Variants in ITPR3 observed in about 807,000 individuals in gnomAD.
ITPR3 encodes the protein inositol 1,4,5-trisphosphate-gated calcium channel ITPR3.
A neutral mutation model predicts 293.2 loss-of-function variants in ITPR3; 173 were observed. That is an observed-to-expected ratio of 0.59 (90% CI 0.52 to 0.67). The LOEUF (loss-of-function observed/expected upper bound fraction) is 0.67. Ranked by LOEUF, ITPR3 falls within the 30% of genes least tolerant of loss-of-function variation. ITPR3 has a pLI of 0.00. For missense variants in ITPR3, 2,796 were observed against 3,592.1 expected (o/e 0.78, Z 5.66); for synonymous variants, 1,295 against 1,444.4 (o/e 0.90, Z 2.35).
In ITPR3 at chr6:33,675,782, C is replaced by G; in HGVS notation, c.3208C>G (p.Leu1070Val). Reference protein sequence around the residue: ...IHLTMHDYAPLVSGALQLLFK... With the variant: ...IHLTMHDYAPVVSGALQLLFK... ...CCTCACCATGCACGACTATGCGCCG[C>G]TGGTCTCGGGTGCCCTGCAGCTGCT... Residue 1070 changes from leucine to valine, a missense_variant, in exon 25 of 58, where the codon CTG becomes GTG. Physicochemically the swap from Leu to Val is conservative, Grantham distance 32. Around this residue, in one of 8 missense-constraint regions of ITPR3, gnomAD observed 955 missense variants for 1,180.8 expected, o/e 0.81. Coordinates refer to ENST00000605930, the MANE Select transcript of ITPR3 (RefSeq NM_002224.4). The surrounding 1 kb of genome is among the most constrained non-coding windows in gnomAD (Gnocchi z 5.0). 6.2e-7 allele frequency: 1 copy of G among 1,611,036 alleles called. No individual in the cohort carries two copies. The highest frequency in any genetic ancestry group is 8.5e-7 in the Non-Finnish European group (1 of 1,178,952).
At position 33,658,659 on chromosome 6, in the gene ITPR3, C is replaced by G; in HGVS notation, c.370-11C>G. On this transcript the variant is annotated splice_polypyrimidine_tract_variant and intron_variant, in intron 4 of 57. Coordinates refer to ENST00000605930, the MANE Select transcript of ITPR3 (RefSeq NM_002224.4). The surrounding 1 kb of genome is among the most constrained non-coding windows in gnomAD (Gnocchi z 6.1). ...GCGCGGTGACCTTCCCGCACCCCAC[C>G]TGACCCCCAGCTCCTGCACATGAAG... 1 of 1,613,554 alleles carries G rather than the reference C, an allele frequency of 6.2e-7. No homozygotes were observed. Among genetic ancestry groups the G allele is most frequent in the Non-Finnish European group, 8.5e-7 (1 of 1,179,622 alleles).
Position 33,684,260 on chromosome 6 carries a change from A to T in ITPR3, c.4937+92A>T. On this transcript the variant is annotated intron_variant, in intron 36 of 57. Transcript: ENST00000605930. The surrounding 1 kb of genome is among the most constrained non-coding windows in gnomAD (Gnocchi z 4.2). ...GGGGACTAGACAGGCTCACTGGGTC[A>T]GAGGGCCTGGGGGTGTTCCTGCCTG... is the stretch of plus-strand genomic sequence containing the variant. The T allele has an allele frequency of 6.3e-7, 1 of 1,595,640 alleles. No homozygotes were observed. Among genetic ancestry groups the T allele is most frequent in the Non-Finnish European group, 8.6e-7 (1 of 1,167,078 alleles).
chr6:33,675,677 C>A lies in ITPR3; in HGVS notation c.3117-14C>A, dbSNP rs556717513. 1 of 1,586,670 alleles carries A rather than the reference C, an allele frequency of 6.3e-7. No individual in the cohort carries two copies. Among genetic ancestry groups the A allele is most frequent in the Non-Finnish European group, 8.6e-7 (1 of 1,164,754 alleles). On this transcript the variant is annotated splice_polypyrimidine_tract_variant and intron_variant, in intron 24 of 57. Transcript: ENST00000605930. The surrounding 1 kb of genome is among the most constrained non-coding windows in gnomAD (Gnocchi z 5.0). Reference sequence around the variant, plus strand: ...CCAGTCTCACCCATGCGCCCTGCACCCTTGTGCCCGCAGGAAGACAAGCAG... The same window carrying A: ...CCAGTCTCACCCATGCGCCCTGCACACTTGTGCCCGCAGGAAGACAAGCAG...
chr6:33,680,615 G>T lies in ITPR3; in HGVS notation c.4411G>T (p.Val1471Phe). The T allele has an allele frequency of 2.5e-6, 4 of 1,614,112 alleles. No individual in the cohort carries two copies. Among genetic ancestry groups the T allele is most frequent in the Middle Eastern group, 1.6e-4 (1 of 6,062 alleles). Residue 1471 changes from valine (V) to phenylalanine (F), a missense_variant, in exon 33 of 58, where the codon GTT becomes TTT. Transcript: ENST00000605930. Reference sequence around the variant, plus strand: ...CACCTTGGAGAAGTACGTGCTGAGCGTTGTGCTGGACACCATCAACGCCTT... The same window carrying T: ...CACCTTGGAGAAGTACGTGCTGAGCTTTGTGCTGGACACCATCAACGCCTT... ...DPTLEKYVLS[V>F]VLDTINAFFS...
chr6:33,687,378 C>A lies in ITPR3; in HGVS notation c.6177+51C>A. 6.7e-7 allele frequency: 1 copy of A among 1,496,892 alleles called. No individual in the cohort carries two copies. Among genetic ancestry groups the A allele is most frequent in the Non-Finnish European group, 9.2e-7 (1 of 1,089,050 alleles). The allele number at this position is 1,496,892 out of a possible 1,614,324, so 92.7% of individuals were successfully genotyped here. A position where few individuals can be genotyped will look rare whatever the true frequency, so the allele number is the denominator to read the frequency against. On this transcript the variant is annotated intron_variant, in intron 45 of 57. Coordinates refer to ENST00000605930, the MANE Select transcript of ITPR3 (RefSeq NM_002224.4). The surrounding 1 kb of genome is among the most constrained non-coding windows in gnomAD (Gnocchi z 5.3). ...CCATCACCCCCCTGGCCACCATACC[C>A]CGCCCCAGCTGCCATCATCCCCCAG... is the stretch of plus-strand genomic sequence containing the variant.
Position 33,684,290 on chromosome 6 carries a change from G to A in ITPR3, c.4938-67G>A. 6.3e-7 allele frequency: 1 copy of A among 1,592,714 alleles called. No homozygotes were observed. Among genetic ancestry groups the A allele is most frequent in the Non-Finnish European group, 8.6e-7 (1 of 1,162,228 alleles). Reference sequence around the variant, plus strand: ...GCCTGGGGGTGTTCCTGCCTGGGATGGGGTGGGGAAGTAGCTGGAGGGAGG... The same window carrying A: ...GCCTGGGGGTGTTCCTGCCTGGGATAGGGTGGGGAAGTAGCTGGAGGGAGG... On this transcript the variant is annotated intron_variant, in intron 36 of 57. Coordinates refer to ENST00000605930, the MANE Select transcript of ITPR3 (RefSeq NM_002224.4). This position sits in a 1 kb window ranked among gnomAD's most constrained non-coding sequence, Gnocchi z 4.2.
chr6:33,692,862 G>A lies in ITPR3; in HGVS notation c.7593G>A (p.Glu2531=). The A allele has an allele frequency of 1.2e-6, 2 of 1,614,154 alleles. No homozygotes were observed. Among genetic ancestry groups the A allele is most frequent in the Non-Finnish European group, 1.7e-6 (2 of 1,180,014 alleles). Residue 2531 remains glutamate (E), a synonymous_variant, in exon 55 of 58, where the codon GAG becomes GAA. Transcript: ENST00000605930. This position sits in a 1 kb window ranked among gnomAD's most constrained non-coding sequence, Gnocchi z 4.2. ...ADLRSEKQKK[E]EILKTTCFIC... ...TGCGTAGTGAGAAGCAGAAGAAGGA[G>A]GAGATTCTTAAGACGACATGCTTCA...
Position 33,672,146 on chromosome 6 carries a change from A to C in ITPR3, c.2846A>C (p.Glu949Ala). Reference protein sequence around the residue: ...PSLSAGASAAEPLDRSKFEEN... With the variant: ...PSLSAGASAAAPLDRSKFEEN... ...CTGTCTGCTGGGGCCAGTGCTGCTG[A>C]GCCGCTGGACAGAAGCAAGTTTGAG... Residue 949 changes from glutamate (E) to alanine (A), a missense_variant, in exon 22 of 58, where the codon GAG (glutamate) becomes GCG (alanine). Physicochemically the swap from Glu to Ala is moderately radical, Grantham distance 107. Transcript: ENST00000605930. This position sits in a 1 kb window ranked among gnomAD's most constrained non-coding sequence, Gnocchi z 5.0. The C allele has an allele frequency of 6.2e-7, 1 of 1,614,046 alleles. No homozygotes were observed. Among genetic ancestry groups the C allele is most frequent in the Non-Finnish European group, 8.5e-7 (1 of 1,180,004 alleles).
chr6:33,661,838 T>TA (rs1764475875), intron 7 of ITPR3, among the ~76,000 whole-genome samples: 1 of 134,940 alleles, frequency 7.4e-6, no homozygotes, highest in Non-Finnish European at 1.7e-5. Context: ...CTACTAAAAA[T>TA]AAAATAAATT....
chr6:33,665,159 T>G lies in ITPR3; in HGVS notation c.1355T>G (p.Leu452Arg). ...LDFANDASSM[L>R]ASAVEKLNEG... ...TTTGCCAATGACGCCAGCTCCATGC[T>G]GGCCAGTGCCGTGGAGAAACTCAAC... is the stretch of plus-strand genomic sequence containing the variant. The change falls in exon 13 of 58, where the codon CTG becomes CGG. Residue 452 changes from leucine to arginine, a missense_variant. Physicochemically the swap from Leu to Arg is moderately radical, Grantham distance 102. Coordinates refer to ENST00000605930, the MANE Select transcript of ITPR3 (RefSeq NM_002224.4). 1 of 1,614,188 alleles carries G rather than the reference T, an allele frequency of 6.2e-7. No individual in the cohort carries two copies.
chr6:33,679,743 C>A lies in ITPR3; in HGVS notation c.3973-139C>A. On this transcript the variant is annotated intron_variant, in intron 30 of 57. Transcript: ENST00000605930. This position sits in a 1 kb window ranked among gnomAD's most constrained non-coding sequence, Gnocchi z 4.2. ...GACATCAGCTGGGGAACCCCCAAAT[C>A]CCAGCCAGGGGAGGGTTTTCCTGAT... 5.2e-6 allele frequency: 6 copies of A among 1,153,004 alleles called. No individual in the cohort carries two copies. Among genetic ancestry groups the A allele is most frequent in the Non-Finnish European group, 7.1e-6 (6 of 839,774 alleles). The allele number at this position is 1,153,004 out of a possible 1,614,324, so 71.4% of individuals were successfully genotyped here.
chr6:33,673,736 G>A lies in ITPR3; in HGVS notation c.3058+16G>A, dbSNP rs182675533. The A allele has an allele frequency of 7.1e-4, 1,140 of 1,613,744 alleles. No individual in the cohort carries two copies. The highest frequency in any genetic ancestry group is 9.3e-4 in the Non-Finnish European group (1,102 of 1,179,820). ...GACTCTACCAGTAAGCCCCTGCCCT[G>A]CCTTCAGGCTGAGGCTGTGCGACTC... On this transcript the variant is annotated intron_variant, in intron 23 of 57. Transcript: ENST00000605930.
intron 7 of ITPR3, among the ~76,000 whole-genome samples, chr6:33,661,619 TCATTGTATTCC>T (rs1764469560): frequency 6.6e-6 from 1 of 151,670 alleles, no homozygotes; most frequent in South Asian, 2.1e-4. Flanking sequence ...TGCAAGGAGG[TCATTGTATTCC>T]CATTTTACAG....
In ITPR3 at chr6:33,695,829, C is replaced by G. The variant is rs371070818; in HGVS notation, c.*49C>G. 4.4e-6 allele frequency: 7 copies of G among 1,580,824 alleles called. No individual in the cohort carries two copies. The highest frequency in any genetic ancestry group is 6.1e-6 in the Non-Finnish European group (7 of 1,150,654). On this transcript the variant is annotated 3_prime_UTR_variant, in exon 58 of 58. Transcript: ENST00000605930. ...AGGGGATGCTCATCACTGGAGACTG[C>G]GACTGGGAAGAACACTGCCCCCTCC...
In ITPR3 at chr6:33,689,423, G is replaced by A. The variant is rs750965858; in HGVS notation, c.6867+13G>A. ...GGGTGCCCTCAATGTGAGTGCCAGA[G>A]GGAGCCCCCATTCCCAAACAAGCTC... On this transcript the variant is annotated intron_variant, in intron 50 of 57. Transcript: ENST00000605930. 6.2e-7 allele frequency: 1 copy of A among 1,605,658 alleles called. No homozygotes were observed. The highest frequency in any genetic ancestry group is 8.5e-7 in the Non-Finnish European group (1 of 1,179,324).
Position 33,632,509 on chromosome 6 carries a change from A to AGAATGG in ITPR3, c.90-7974_90-7973insAATGGG, listed in dbSNP as rs1763707068. 6.6e-6 allele frequency among the ~76,000 whole-genome samples: 1 copy of AGAATGG among 152,172 alleles called. No homozygotes were observed. The highest frequency in any genetic ancestry group is 1.5e-5 in the Non-Finnish European group (1 of 68,026). ...GGTGGAATGGGGCAGAATGGGATGC[A>AGAATGG]GCTGTCTTCCTCTCCTACCTCAGAT... On this transcript the variant is annotated intron_variant, in intron 1 of 57. Coordinates refer to ENST00000605930, the MANE Select transcript of ITPR3 (RefSeq NM_002224.4). The surrounding 1 kb of genome is among the most constrained non-coding windows in gnomAD (Gnocchi z 4.1).
At chr6:33,636,314 A>C (rs1763823500) in intron 1 of ITPR3, among the ~76,000 whole-genome samples, 1 of 151,380 alleles carries the variant, frequency 6.6e-6, no homozygotes, top group Admixed American at 6.6e-5. Context: ...AAAAATAAAA[A>C]ATTAAAGGGA....
At position 33,674,215 on chromosome 6, in the gene ITPR3, C is replaced by T. The variant is rs1192624895; in HGVS notation, c.3066C>T (p.Asn1022=). 1 of 1,614,004 alleles carries T rather than the reference C, an allele frequency of 6.2e-7. No individual in the cohort carries two copies. Among genetic ancestry groups the T allele is most frequent in the African/African-American group, 1.3e-5 (1 of 74,936 alleles). The change falls in exon 24 of 58, where the codon AAC becomes AAT. Residue 1022 remains asparagine (N), a synonymous_variant. Transcript: ENST00000605930. The stretch of plus-strand genomic sequence containing the variant: ...CTGCCCCTCTCCCCACAGCTGCCAA[C>T]ATGAACCTGGATCGCATCGGGGAGC... ...TAPAFDSTTA[N]MNLDRIGEQA...
At position 33,687,169 on chromosome 6, in the gene ITPR3, C is replaced by T; in HGVS notation, c.6076-57C>T. 6.3e-7 allele frequency: 1 copy of T among 1,593,672 alleles called. No homozygotes were observed. Among genetic ancestry groups the T allele is most frequent in the South Asian group, 1.1e-5 (1 of 90,428 alleles). ...GAGTGTGTTGGGATGGGGATGAGGG[C>T]CCGGCTGGCCCTACCGCCCTAGGAA... On this transcript the variant is annotated intron_variant, in intron 44 of 57. Transcript: ENST00000605930. This position sits in a 1 kb window ranked among gnomAD's most constrained non-coding sequence, Gnocchi z 5.3.
Sources: gnomAD v4.1 joint callset for allele counts (sites outside exome capture counted in the v4.1 genomes callset) on GRCh38, gnomAD v4.1.1 for gene constraint, gnomAD v4.1.1 regional missense constraint, Gnocchi (gnomAD v3.1) non-coding constraint, MANE v1.5 for transcripts, NCBI Gene and HGNC (gene_info 2026-07-23, HGNC 2026-07-21) for gene names.